Variants in ZC3H12B observed in about 807,000 individuals in gnomAD.
ZC3H12B encodes the protein probable ribonuclease ZC3H12B.
In ZC3H12B, 7 loss-of-function variants were observed where a neutral mutation model predicts 43.9. That is an observed-to-expected ratio of 0.16 (90% CI 0.09 to 0.30). The LOEUF (loss-of-function observed/expected upper bound fraction) is 0.30, where lower values mean the gene tolerates loss of function less well. Ranked by LOEUF, ZC3H12B falls within the 10% of genes least tolerant of loss-of-function variation. The pLI is 1.00. For missense variants in ZC3H12B, 475 were observed against 670.2 expected (o/e 0.71, Z 3.22); for synonymous variants, 222 against 241.7 (o/e 0.92, Z 0.76).
chrX:65,189,118 A>G, the ZC3H12B span, among the ~76,000 whole-genome samples: 2 of 104,835 alleles, frequency 1.9e-5, no homozygotes, highest in Non-Finnish European at 3.9e-5. Context: ...CCTACAAAGG[A>G]CATGAACTCA....
chrX:65,190,232 G>A, the ZC3H12B span, among the ~76,000 whole-genome samples: 1 of 110,426 alleles, frequency 9.1e-6, no homozygotes, highest in African/African-American at 3.3e-5. Context: ...CAGGTAGTGT[G>A]ATGCCTCCAG....
the ZC3H12B span, among the ~76,000 whole-genome samples, chrX:65,063,758 T>G: frequency 8.9e-6 from 1 of 112,297 alleles, no homozygotes; most frequent in South Asian, 3.7e-4. Context: ...GTACCTCTGG[T>G]AGAAATTGGC....
At chrX:65,284,239 C>T in the ZC3H12B span, among the ~76,000 whole-genome samples, 1 of 88,938 alleles carries the variant, frequency 1.1e-5, no homozygotes, top group East Asian at 3.3e-4. Flanking sequence ...AATGTAAGGA[C>T]ACACACACAC....
chrX:65,117,878 A>G, the ZC3H12B span, among the ~76,000 whole-genome samples: 2 of 110,957 alleles, frequency 1.8e-5, no homozygotes, highest in Admixed American at 1.9e-4. Flanking sequence ...TTCTAGATGT[A>G]TGGTATTATT....
the ZC3H12B span, among the ~76,000 whole-genome samples, chrX:65,084,555 A>T: frequency 8.9e-6 from 1 of 112,709 alleles, no homozygotes; most frequent in Non-Finnish European, 1.9e-5. Context: ...AACTACAATG[A>T]GATATCATCT....
At chrX:65,106,401 T>G in the ZC3H12B span, among the ~76,000 whole-genome samples, 1 of 111,713 alleles carries the variant, frequency 9.0e-6, no homozygotes, top group African/African-American at 3.2e-5. Context: ...TTGGTCAGAC[T>G]TGCATTTCAT....
intron 1 of ZC3H12B, among the ~76,000 whole-genome samples, chrX:65,368,218 G>C (rs1203579169): frequency 9.0e-6 from 1 of 111,679 alleles, no homozygotes; most frequent in Admixed American, 9.5e-5. Context: ...TGTCAAGTTT[G>C]TAAACTGCAA....
chrX:65,353,222 G>A, the ZC3H12B span, among the ~76,000 whole-genome samples: 1 of 111,074 alleles, frequency 9.0e-6, no homozygotes, highest in Non-Finnish European at 1.9e-5. Context: ...ACCCATATAC[G>A]ACAGGGTACT....
the ZC3H12B span, among the ~76,000 whole-genome samples, chrX:65,091,267 G>A: frequency 8.9e-6 from 1 of 111,765 alleles, no homozygotes; most frequent in Non-Finnish European, 1.9e-5. Flanking sequence ...GGAGGAAGGG[G>A]CAAAGGAATG....
chrX:65,395,286 G>T (rs768514932), intron 2 of ZC3H12B, among the ~76,000 whole-genome samples: 8 of 111,983 alleles, frequency 7.1e-5, no homozygotes, highest in Non-Finnish European at 1.3e-4. Flanking sequence ...GTTTGTGCCA[G>T]TTTTCAAAGG....
rs1189826204 is a variant in ZC3H12B at position 65,456,437 on chromosome X, CTCCCTCTCCCTG to C, written n.408-32206_408-32195del. 8.1e-3 allele frequency among the ~76,000 whole-genome samples: 518 copies of C among 64,192 alleles called. 135 individuals carry two copies. Among genetic ancestry groups the C allele is most frequent in the South Asian group, 0.041 (27 of 665 alleles). The allele number at this position is 64,192 out of a possible 115,157, so 55.7% of individuals were successfully genotyped here. On this transcript the variant is annotated intron_variant and non_coding_transcript_variant, in intron 3 of 5. Transcript: ENST00000617377. ...TCTCCCTCTCCCTCTCCCTCTCCCTCTCCCTCTCCCTGTCTCCACAGTCTCCTTCCATGGTCT... is the reference window on the plus strand; with the variant it reads ...TCTCCCTCTCCCTCTCCCTCTCCCTCTCTCCACAGTCTCCTTCCATGGTCT...
the ZC3H12B span, among the ~76,000 whole-genome samples, chrX:65,226,508 C>T: frequency 9.0e-6 from 1 of 111,604 alleles, no homozygotes; most frequent in Non-Finnish European, 1.9e-5. Context: ...ATCATAATGA[C>T]AGTATCAAAT....
At chrX:65,192,673 A>G in the ZC3H12B span, among the ~76,000 whole-genome samples, 1 of 111,473 alleles carries the variant, frequency 9.0e-6, no homozygotes, top group South Asian at 3.8e-4. Context: ...ATGTTGAACT[A>G]TTCCTCCCTC....
chrX:65,352,061 C>A, the ZC3H12B span, among the ~76,000 whole-genome samples: 1 of 112,154 alleles, frequency 8.9e-6, no homozygotes, highest in South Asian at 3.7e-4. Context: ...AGACTTGGAA[C>A]CAACCCAAAT....
the ZC3H12B span, among the ~76,000 whole-genome samples, chrX:65,191,752 C>T: frequency 3.7e-5 from 4 of 109,310 alleles, no homozygotes; most frequent in South Asian, 4.0e-4. Context: ...AAAAAACCAG[C>T]TCCTGGATTC....
the ZC3H12B span, among the ~76,000 whole-genome samples, chrX:65,176,638 A>C: frequency 1.8e-5 from 2 of 112,139 alleles, no homozygotes; most frequent in Admixed American, 1.9e-4. Flanking sequence ...CCATCAGAGA[A>C]TACTATAAAC....
chrX:65,116,601 AC>A, the ZC3H12B span, among the ~76,000 whole-genome samples: 1 of 109,981 alleles, frequency 9.1e-6, no homozygotes, highest in African/African-American at 3.3e-5. Flanking sequence ...GTTCTAGGGT[AC>A]ATGTGTACAA....
At chrX:65,421,469 G>A (rs2148084051) in intron 3 of ZC3H12B, among the ~76,000 whole-genome samples, 1 of 112,209 alleles carries the variant, frequency 8.9e-6, no homozygotes, top group East Asian at 2.8e-4. Context: ...ATAGCAGGTT[G>A]ATTACATTGG....
chrX:65,299,589 C>T, the ZC3H12B span, among the ~76,000 whole-genome samples: 1 of 111,786 alleles, frequency 8.9e-6, no homozygotes, highest in East Asian at 2.8e-4. Context: ...ATGGATTGCC[C>T]TAGGTCTAAG....
Sources: allele counts gnomAD v4.1 joint callset (sites outside exome capture counted in the v4.1 genomes callset), GRCh38; gene constraint gnomAD v4.1.1; transcripts MANE v1.5; gene names NCBI Gene and HGNC (gene_info 2026-07-23, HGNC 2026-07-21).